Variants in FAM135B observed in about 807,000 individuals in gnomAD.
The protein encoded by FAM135B is family with sequence similarity 135 member B.
A neutral mutation model predicts 127.7 loss-of-function variants in FAM135B; 43 were observed. The observed-to-expected ratio is 0.34, with a 90% confidence interval of 0.26 to 0.43. The LOEUF is 0.43. Ranked by LOEUF, FAM135B falls within the 20% of genes least tolerant of loss-of-function variation. FAM135B has a pLI of 1.00. For missense variants in FAM135B, 1,558 were observed against 1,725.6 expected (o/e 0.90, Z 1.72); for synonymous variants, 670 against 665.1 (o/e 1.01, Z -0.11).
chr8:138,262,668 A>G (rs1822622412), intron 4 of FAM135B, among the ~76,000 whole-genome samples: 1 of 152,036 alleles, frequency 6.6e-6, no homozygotes, highest in Non-Finnish European at 1.5e-5. Context: ...TGGGAGGCTG[A>G]GGCGGGTGGA....
At chr8:138,463,862 G>C (rs951136087) in intron 1 of FAM135B, among the ~76,000 whole-genome samples, 1 of 152,154 alleles carries the variant, frequency 6.6e-6, no homozygotes, top group Non-Finnish European at 1.5e-5. Flanking sequence ...AGGCCGACTA[G>C]TCAAGAAACC....
At chr8:138,187,737 T>C (rs1815713030) in intron 9 of FAM135B, among the ~76,000 whole-genome samples, 1 of 152,228 alleles carries the variant, frequency 6.6e-6, no homozygotes, top group East Asian at 1.9e-4. Flanking sequence ...CTTTCAAACA[T>C]ATGCTAATTG....
chr8:138,319,688 A>G (rs1827325022), intron 2 of FAM135B, among the ~76,000 whole-genome samples: 1 of 152,222 alleles, frequency 6.6e-6, no homozygotes, highest in South Asian at 2.1e-4. Flanking sequence ...GACTGGCACT[A>G]AACTATGCCC....
At chr8:138,478,739 T>C (rs1814634359) in intron 1 of FAM135B, among the ~76,000 whole-genome samples, 1 of 152,208 alleles carries the variant, frequency 6.6e-6, no homozygotes, top group South Asian at 2.1e-4. Context: ...GGCCTTGCCC[T>C]TGGGTGAGTG....
chr8:138,475,077 T>G (rs1352711065), intron 1 of FAM135B, among the ~76,000 whole-genome samples: 1 of 140,880 alleles, frequency 7.1e-6, no homozygotes, highest in Non-Finnish European at 1.5e-5. Flanking sequence ...TCTAGGTTAG[T>G]GAAAAATATA....
chr8:138,420,743 A>T (rs1035677506), intron 1 of FAM135B, among the ~76,000 whole-genome samples: 1 of 152,188 alleles, frequency 6.6e-6, no homozygotes, highest in African/African-American at 2.4e-5. Flanking sequence ...AACAAAAAAC[A>T]CATGATCATC....
chr8:138,167,009 C>A (rs1476494974), intron 12 of FAM135B, among the ~76,000 whole-genome samples: 2 of 151,944 alleles, frequency 1.3e-5, no homozygotes, highest in Non-Finnish European at 2.9e-5. Flanking sequence ...TCAGGGCGCA[C>A]TCACACATAC....
chr8:138,338,921 T>C (rs1315268443), intron 2 of FAM135B, among the ~76,000 whole-genome samples: 6 of 152,006 alleles, frequency 3.9e-5, no homozygotes, highest in Non-Finnish European at 8.8e-5. Context: ...CATGGAATAC[T>C]ATGCAGCCAT....
At position 138,265,706 on chromosome 8, in the gene FAM135B, T is replaced by G. The variant is rs779304308; in HGVS notation, c.294A>C (p.Glu98Asp). The change falls in exon 4 of 20, where the codon GAA becomes GAC. Residue 98 changes from glutamate (E) to aspartate (D), a missense_variant. Physicochemically the swap from Glu to Asp is conservative, Grantham distance 45 (BLOSUM62 2). Around this residue, in one of 5 missense-constraint regions of FAM135B, gnomAD observed 199 missense variants for 245.7 expected, o/e 0.81. Coordinates refer to ENST00000395297, the MANE Select transcript of FAM135B (RefSeq NM_015912.4). Reference protein sequence around the residue: ...VFRVHLLLGGERMEDALSEVD... With the variant: ...VFRVHLLLGGDRMEDALSEVD... ...TGGTGGTAGATTCATGACTTACCCT[T>G]TCACCACCCAAGAGTAAATGAACTC... 1.2e-6 allele frequency: 2 copies of G among 1,614,006 alleles called. No individual in the cohort carries two copies. Among genetic ancestry groups the G allele is most frequent in the South Asian group, 1.1e-5 (1 of 91,066 alleles).
chr8:138,293,443 T>C (rs1825262162), intron 3 of FAM135B, among the ~76,000 whole-genome samples: 1 of 151,982 alleles, frequency 6.6e-6, no homozygotes, highest in African/African-American at 2.4e-5. Context: ...ACAAAATAAA[T>C]AACCATCAAA....
intron 1 of FAM135B, 79 bp from the exon 2 acceptor site, chr8:138,368,081 C>A: frequency 1.1e-6 from 1 of 939,370 alleles, no homozygotes; most frequent in Non-Finnish European, 1.7e-6. Context: ...AACAGGAAAC[C>A]AATCTGACCA....
intron 3 of FAM135B, among the ~76,000 whole-genome samples, chr8:138,288,976 C>G (rs879906522): frequency 1.3e-5 from 2 of 152,204 alleles, no homozygotes; most frequent in Non-Finnish European, 2.9e-5. Flanking sequence ...GGCTGGAAGT[C>G]TGCCTAAAAC....
intron 1 of FAM135B, among the ~76,000 whole-genome samples, chr8:138,449,519 T>C (rs1474527759): frequency 1.3e-5 from 2 of 152,044 alleles, no homozygotes; most frequent in Non-Finnish European, 2.9e-5. Context: ...GGGGTGGTCA[T>C]CTAAGTGGAA....
At chr8:138,225,952 AT>A (rs1476239791) in intron 7 of FAM135B, among the ~76,000 whole-genome samples, 7 of 152,198 alleles carry the variant, frequency 4.6e-5, no homozygotes, top group Admixed American at 4.6e-4. Context: ...GTGTATGCTC[AT>A]TCCATAGGGG....
chr8:138,142,867 T>C, intron 16 of FAM135B, 145 bp downstream of exon 16: 1 of 586,606 alleles, frequency 1.7e-6, no homozygotes, highest in East Asian at 2.8e-5. Context: ...TACTTACTTC[T>C]GCTTTAAAAG....
intron 1 of FAM135B, among the ~76,000 whole-genome samples, chr8:138,419,167 C>G (rs1304947532): frequency 6.6e-6 from 1 of 152,062 alleles, no homozygotes; most frequent in East Asian, 1.9e-4. Flanking sequence ...AAAGATCTAT[C>G]AAGCAAACAG....
intron 1 of FAM135B, among the ~76,000 whole-genome samples, chr8:138,417,633 G>A (rs1051519126): frequency 4.6e-5 from 7 of 152,082 alleles, no homozygotes; most frequent in Non-Finnish European, 7.3e-5. Context: ...GCTTAACCTC[G>A]AGAGGCCAGA....
chr8:138,350,497 AACACACAC>A (rs59686476), intron 2 of FAM135B, among the ~76,000 whole-genome samples: 2 of 148,058 alleles, frequency 1.4e-5, no homozygotes, highest in African/African-American at 2.5e-5. Flanking sequence ...GGTTTTCTAC[AACACACAC>A]ACACACACAC....
At chr8:138,468,938 G>A (rs533096561) in intron 1 of FAM135B, among the ~76,000 whole-genome samples, 24 of 152,140 alleles carry the variant, frequency 1.6e-4, no homozygotes, top group African/African-American at 3.9e-4. Context: ...CCAGCTACTC[G>A]GAAGGCTGAG....
Sources: allele counts gnomAD v4.1 joint callset (sites outside exome capture counted in the v4.1 genomes callset), GRCh38; gene constraint gnomAD v4.1.1; regional missense constraint gnomAD v4.1.1; transcripts MANE v1.5; gene names NCBI Gene and HGNC (gene_info 2026-07-23, HGNC 2026-07-21).